The following ITGA9 variants were observed in gnomAD, a reference collection of about 807,000 sequenced individuals.
The protein encoded by ITGA9 is integrin alpha-9.
A neutral mutation model predicts 127.8 loss-of-function variants in ITGA9; 56 were observed. The observed-to-expected ratio is 0.44, with a 90% CI of 0.35 to 0.55. ITGA9 has a LOEUF of 0.55. ITGA9 is among the 20% of genes least tolerant of loss of function. The pLI is 0.00. For synonymous variants in ITGA9, 508 were observed against 514.5 expected (o/e 0.99, Z 0.17); for missense variants, 1,196 against 1,347.1 (o/e 0.89, Z 1.76).
Position 37,671,101 on chromosome 3 carries a change from A to G in ITGA9, c.1917-12764A>G, listed in dbSNP as rs1351957872. 2.6e-5 allele frequency among the ~76,000 whole-genome samples: 4 copies of G among 152,366 alleles called. No homozygotes were observed. The Middle Eastern group carries it at 0.01, about 389-fold the overall frequency. On this transcript the variant is annotated intron_variant, in intron 17 of 27. Transcript: ENST00000264741. ...CTGCACACCGGGGCTGTCTTAGGAC[A>G]TTGGACCTCCGAGCAGCCTGCAGAT...
At chr3:37,488,019 A>G (rs1383770207) in intron 4 of ITGA9, among the ~76,000 whole-genome samples, 3 of 152,298 alleles carry the variant, frequency 2.0e-5, no homozygotes, top group Middle Eastern at 3.4e-3. Flanking sequence ...TCTAGTCTGG[A>G]GTGGCTGCTT....
At chr3:37,456,838 C>T (rs569247555) in intron 1 of ITGA9, among the ~76,000 whole-genome samples, 2 of 152,318 alleles carry the variant, frequency 1.3e-5, no homozygotes, top group South Asian at 4.1e-4. Context: ...CTGATGTAGT[C>T]ACCACTAGCC....
chr3:37,487,260 A>G (rs1465824246), intron 4 of ITGA9, among the ~76,000 whole-genome samples: 1 of 152,212 alleles, frequency 6.6e-6, no homozygotes, highest in Non-Finnish European at 1.5e-5. Flanking sequence ...AGCAAATTAA[A>G]GAGAAGAGGA....
chr3:37,602,873 A>G (rs545529766), intron 15 of ITGA9, among the ~76,000 whole-genome samples: 2 of 152,192 alleles, frequency 1.3e-5, no homozygotes, highest in Admixed American at 6.5e-5. Flanking sequence ...CCACACAGCC[A>G]TTGTTTGGCA....
At chr3:37,481,726 G>A in intron 4 of ITGA9, 119 bp downstream of exon 4, 1 of 1,364,912 alleles carries the variant, frequency 7.3e-7, no homozygotes, top group Non-Finnish European at 1.0e-6. Context: ...TCATGATAGG[G>A]CAGCACTGTT....
At chr3:37,508,536 A>ATTTTTTTTTTTTT in intron 7 of ITGA9, 23 bp from the exon 8 acceptor site, 1 of 1,203,168 alleles carries the variant, frequency 8.3e-7, no homozygotes, top group Admixed American at 2.1e-5. Context: ...TCCTAACTAG[A>ATTTTTTTTTTTTT]TTTTTTTTTT....
At chr3:37,538,453 C>T (rs909705071) in intron 14 of ITGA9, among the ~76,000 whole-genome samples, 1 of 152,202 alleles carries the variant, frequency 6.6e-6, no homozygotes, top group Non-Finnish European at 1.5e-5. Flanking sequence ...CACAAGCTGC[C>T]AGAAGGAAAA....
At chr3:37,487,492 C>T (rs1698623008) in intron 4 of ITGA9, among the ~76,000 whole-genome samples, 1 of 152,222 alleles carries the variant, frequency 6.6e-6, no homozygotes, top group South Asian at 2.1e-4. Flanking sequence ...GAATTATAGA[C>T]TACCTAAACT....
chr3:37,473,402 A>G lies in ITGA9; in HGVS notation c.362A>G (p.Asp121Gly). The change falls in exon 3 of 28, where the codon GAT (aspartate) becomes GGT (glycine). Residue 121 changes from aspartate to glycine, a missense_variant. Coordinates refer to ENST00000264741, the MANE Select transcript of ITGA9 (RefSeq NM_002207.3). Reference sequence around the variant, plus strand: ...GGAAAGACCTGCCGGGAAGACCGCGATGATGAGTGGATGGGGGTGAGCCTG... The same window carrying G: ...GGAAAGACCTGCCGGGAAGACCGCGGTGATGAGTGGATGGGGGTGAGCCTG... ...SCGKTCREDR[D>G]DEWMGVSLAR... The G allele has an allele frequency of 6.2e-7, 1 of 1,614,124 alleles. No individual in the cohort carries two copies. Among genetic ancestry groups the G allele is most frequent in the Non-Finnish European group, 8.5e-7 (1 of 1,180,016 alleles).
At chr3:37,552,380 T>C (rs1405060766) in intron 15 of ITGA9, among the ~76,000 whole-genome samples, 1 of 142,142 alleles carries the variant, frequency 7.0e-6, no homozygotes, top group African/African-American at 3.1e-5. Context: ...CAAATTATTA[T>C]TTATTTCTTA....
chr3:37,527,549 T>A (rs1306795081), intron 13 of ITGA9, among the ~76,000 whole-genome samples: 3 of 152,206 alleles, frequency 2.0e-5, no homozygotes, highest in African/African-American at 7.2e-5. Context: ...TTCCTGTAAT[T>A]ATTTCCCATG....
intron 1 of ITGA9, among the ~76,000 whole-genome samples, chr3:37,467,472 T>C (rs1253783378): frequency 1.3e-5 from 2 of 152,170 alleles, no homozygotes; most frequent in African/African-American, 4.8e-5. Flanking sequence ...GAATAAGCTC[T>C]CCAGGGTCCC....
intron 17 of ITGA9, among the ~76,000 whole-genome samples, chr3:37,654,850 C>G (rs193067839): frequency 5.5e-4 from 83 of 152,222 alleles, no homozygotes; most frequent in African/African-American, 1.9e-3. Context: ...CCTAACCCCC[C>G]ACCCCTGACA....
At chr3:37,741,997 C>T (rs1696443460) in intron 21 of ITGA9, among the ~76,000 whole-genome samples, 178 bp downstream of exon 21, 1 of 152,230 alleles carries the variant, frequency 6.6e-6, no homozygotes, top group African/African-American at 2.4e-5. Context: ...CTCCTCCCTC[C>T]TTGTTTTCTC....
chr3:37,608,461 T>G (rs1559548138), intron 15 of ITGA9, among the ~76,000 whole-genome samples: 1 of 152,044 alleles, frequency 6.6e-6, no homozygotes, highest in Non-Finnish European at 1.5e-5. Flanking sequence ...ACAAAACTGT[T>G]TTCATCATCT....
chr3:37,629,089 T>C lies in ITGA9; in HGVS notation c.1690-98T>C. 2.2e-6 allele frequency: 3 copies of C among 1,379,346 alleles called. No individual in the cohort carries two copies. Among genetic ancestry groups the C allele is most frequent in the Non-Finnish European group, 3.1e-6 (3 of 969,798 alleles). 85.4% of individuals were successfully genotyped at this position (1,379,346 alleles called of 1,614,324 possible). A position where few individuals can be genotyped will look rare whatever the true frequency, so the allele number is the denominator to read the frequency against. Reference sequence around the variant, plus strand: ...CACGAGGGTGATTGTGAGGATTATATGAGGCAATTCATGTAGAAGGTCTTT... The same window carrying C: ...CACGAGGGTGATTGTGAGGATTATACGAGGCAATTCATGTAGAAGGTCTTT... On this transcript the variant is annotated intron_variant, in intron 15 of 27. Coordinates refer to ENST00000264741, the MANE Select transcript of ITGA9 (RefSeq NM_002207.3). The surrounding 1 kb of genome is among the most constrained non-coding windows in gnomAD (Gnocchi z 4.5).
In ITGA9 at chr3:37,741,827, G is replaced by T; in HGVS notation, c.2324+8G>T. ...GGACACGTCCATCACCGGGTGAGTAGCCTGGTCCTGGGTTGCCACAACACA... is the reference window on the plus strand; with the variant it reads ...GGACACGTCCATCACCGGGTGAGTATCCTGGTCCTGGGTTGCCACAACACA... On this transcript the variant is annotated splice_region_variant and intron_variant, in intron 21 of 27. Coordinates refer to ENST00000264741, the MANE Select transcript of ITGA9 (RefSeq NM_002207.3). 1 of 1,608,074 alleles carries T rather than the reference G, an allele frequency of 6.2e-7. No homozygotes were observed. Among genetic ancestry groups the T allele is most frequent in the Non-Finnish European group, 8.5e-7 (1 of 1,176,014 alleles).
intron 18 of ITGA9, among the ~76,000 whole-genome samples, chr3:37,709,198 T>C (rs1023080354): frequency 2.6e-5 from 4 of 152,342 alleles, no homozygotes; most frequent in Admixed American, 6.5e-5. Flanking sequence ...ACCTGAGACA[T>C]AGTAGCCTTT....
At chr3:37,649,116 CA>C (rs34729329) in intron 16 of ITGA9, among the ~76,000 whole-genome samples, 8,181 of 82,966 alleles carry the variant, frequency 0.099, 691 homozygotes, top group African/African-American at 0.27. Context: ...CCTATCGATA[CA>C]AAAAAAAAAA....
Sources: gnomAD v4.1 joint callset for allele counts (sites outside exome capture counted in the v4.1 genomes callset) on GRCh38, gnomAD v4.1.1 for gene constraint, Gnocchi (gnomAD v3.1) non-coding constraint, MANE v1.5 for transcripts, NCBI Gene and HGNC (gene_info 2026-07-23, HGNC 2026-07-21) for gene names.